Variants in RIMS1 observed in about 807,000 individuals in gnomAD.
The protein encoded by RIMS1 is regulating synaptic membrane exocytosis protein 1.
RIMS1 carries 83 observed loss-of-function variants against 214.1 expected under a neutral mutation model. The ratio of observed to expected loss-of-function variants is 0.39; its 90% confidence interval spans 0.32 to 0.47. The LOEUF (loss-of-function observed/expected upper bound fraction) is 0.47. Among genes scored for constraint, RIMS1 ranks in the 20% least tolerant of loss-of-function variants. The probability of loss-of-function intolerance (pLI) is 0.99; values close to 1 mark genes in which losing one functional copy is unlikely to be tolerated. For missense variants in RIMS1, 2,050 were observed against 2,161.8 expected (o/e 0.95, Z 1.03); for synonymous variants, 793 against 786.8 (o/e 1.01, Z -0.13).
intron 23 of RIMS1, among the ~76,000 whole-genome samples, chr6:72,276,667 CTAT>C (rs1379965704): frequency 6.6e-6 from 1 of 151,960 alleles, no homozygotes; most frequent in African/African-American, 2.4e-5. Flanking sequence ...TCTCTTGATA[CTAT>C]TATTTATTAC....
At chr6:71,985,570 A>C (rs1019354859) in intron 2 of RIMS1, among the ~76,000 whole-genome samples, 16 of 152,242 alleles carry the variant, frequency 1.1e-4, no homozygotes, top group African/African-American at 3.6e-4. Flanking sequence ...TTCCATGTTA[A>C]AGTGACATCC....
At chr6:71,964,600 T>A (rs1793917408) in intron 1 of RIMS1, among the ~76,000 whole-genome samples, 1 of 152,062 alleles carries the variant, frequency 6.6e-6, no homozygotes, top group Non-Finnish European at 1.5e-5. Flanking sequence ...AGGAGTCAAG[T>A]CTAAAGATTT....
intron 2 of RIMS1, among the ~76,000 whole-genome samples, chr6:71,986,120 A>T (rs886264380): frequency 6.6e-6 from 1 of 152,122 alleles, no homozygotes; most frequent in Admixed American, 6.6e-5. Context: ...GTATACTGAA[A>T]AATTATTTGT....
At chr6:71,959,840 A>G (rs1053659256) in intron 1 of RIMS1, among the ~76,000 whole-genome samples, 6 of 152,128 alleles carry the variant, frequency 3.9e-5, no homozygotes, top group African/African-American at 1.4e-4. Context: ...CTGTGCTTCT[A>G]AGAAGAAACT....
At chr6:72,070,190 C>T (rs894828746) in intron 2 of RIMS1, among the ~76,000 whole-genome samples, 2 of 152,108 alleles carry the variant, frequency 1.3e-5, no homozygotes, top group African/African-American at 4.8e-5. Context: ...AAAATTAGCA[C>T]ATAGACAATT....
intron 6 of RIMS1, among the ~76,000 whole-genome samples, chr6:72,220,021 T>C (rs1396266305): frequency 1.3e-5 from 2 of 152,062 alleles, no homozygotes; most frequent in East Asian, 3.8e-4. Flanking sequence ...TTCATTGGAG[T>C]GTTGCTAGGT....
At chr6:72,284,558 T>C (rs2091612258) in intron 24 of RIMS1, among the ~76,000 whole-genome samples, 1 of 152,210 alleles carries the variant, frequency 6.6e-6, no homozygotes, top group Non-Finnish European at 1.5e-5. Flanking sequence ...TCTAATATTC[T>C]ACTGGTATAT....
chr6:72,182,856 CGGAGCTCAAAGCCCA>C lies in RIMS1; in HGVS notation c.1391_1405del (p.Leu464_Glu468del), dbSNP rs1562517260. The stretch of plus-strand genomic sequence containing the variant: ...CATGGGCCGGTTCCCGCAGAAGCCC[CGGAGCTCAAAGCCCA>C]GGAGCCCCTCAGGAAGCAGAGCCGC... On this transcript the variant is annotated inframe_deletion, in exon 6 of 34. Transcript: ENST00000521978. The C allele has an allele frequency of 3.9e-6, 6 of 1,557,172 alleles. No homozygotes were observed. The highest frequency in any genetic ancestry group is 1.4e-5 in the African/African-American group (1 of 73,376).
intron 4 of RIMS1, among the ~76,000 whole-genome samples, chr6:72,129,301 T>C (rs2040082302): frequency 6.6e-6 from 1 of 152,208 alleles, no homozygotes; most frequent in African/African-American, 2.4e-5. Context: ...TCAAATGGCA[T>C]ATACATTTCA....
intron 11 of RIMS1, among the ~76,000 whole-genome samples, chr6:72,246,825 T>C (rs1156989172): frequency 6.6e-6 from 1 of 152,158 alleles, no homozygotes; most frequent in Non-Finnish European, 1.5e-5. Context: ...CAAACAAGCA[T>C]TATTAGAAAT....
chr6:72,036,200 G>A (rs1819561100), intron 2 of RIMS1, among the ~76,000 whole-genome samples: 1 of 152,138 alleles, frequency 6.6e-6, no homozygotes, highest in South Asian at 2.1e-4. Context: ...GAGACCTAGG[G>A]AGACCTATTA....
At chr6:72,157,941 T>C (rs1378069846) in intron 4 of RIMS1, among the ~76,000 whole-genome samples, 3 of 140,676 alleles carry the variant, frequency 2.1e-5, no homozygotes, top group African/African-American at 7.4e-5. Context: ...TAATGCTTAG[T>C]ATATACTAAC....
At chr6:72,005,161 G>A (rs1806976429) in intron 2 of RIMS1, among the ~76,000 whole-genome samples, 1 of 152,176 alleles carries the variant, frequency 6.6e-6, no homozygotes. Context: ...TCTCAGCTGT[G>A]TCAAAGATCA....
chr6:72,207,877 G>A (rs763368599), intron 6 of RIMS1, among the ~76,000 whole-genome samples: 1 of 152,046 alleles, frequency 6.6e-6, no homozygotes, highest in African/African-American at 2.4e-5. Flanking sequence ...TGTGAAAGAG[G>A]AATCTCTAAT....
At chr6:72,186,093 G>A (rs561558428) in intron 6 of RIMS1, among the ~76,000 whole-genome samples, 1 of 152,302 alleles carries the variant, frequency 6.6e-6, no homozygotes, top group Non-Finnish European at 1.5e-5. Context: ...TATGCTATCA[G>A]TAAACAGTAG....
intron 1 of RIMS1, among the ~76,000 whole-genome samples, chr6:71,949,067 C>T (rs1181924883): frequency 6.6e-6 from 1 of 152,198 alleles, no homozygotes; most frequent in Non-Finnish European, 1.5e-5. Flanking sequence ...AAGTACATTT[C>T]AAACTCTGCT....
intron 29 of RIMS1, among the ~76,000 whole-genome samples, chr6:72,335,368 T>G (rs189989767): frequency 6.6e-6 from 1 of 152,186 alleles, no homozygotes; most frequent in Admixed American, 6.5e-5. Context: ...CTGAGAATGG[T>G]GGTTTCCAGC....
chr6:71,933,264 A>G (rs970895779), intron 1 of RIMS1, among the ~76,000 whole-genome samples: 4 of 152,040 alleles, frequency 2.6e-5, no homozygotes, highest in African/African-American at 7.2e-5. Context: ...GTATCCTCTC[A>G]TGTACCCTAG....
rs147658069 is a variant in RIMS1 at position 72,152,254 on chromosome 6, C to T, written c.472-27321C>T. Among the ~76,000 whole-genome samples the T allele has an allele frequency of 1.6e-3, 242 of 152,314 alleles. 1 individual carries two copies. The highest frequency in any genetic ancestry group is 5.7e-3 in the African/African-American group (238 of 41,560). ...TTTATAGCACTTACTATGTGCTAGG[C>T]ATTATTCCAAGCACTTTGCAAATGC... is the stretch of plus-strand genomic sequence containing the variant. On this transcript the variant is annotated intron_variant, in intron 4 of 33. Coordinates refer to ENST00000521978, the MANE Select transcript of RIMS1 (RefSeq NM_014989.7).
Sources: allele counts gnomAD v4.1 joint callset (sites outside exome capture counted in the v4.1 genomes callset), GRCh38; gene constraint gnomAD v4.1.1; transcripts MANE v1.5; gene names NCBI Gene and HGNC (gene_info 2026-07-23, HGNC 2026-07-21).